The following MACROD2 variants were observed in gnomAD, a reference collection of about 807,000 sequenced individuals.
MACROD2 encodes ADP-ribose glycohydrolase MACROD2.
MACROD2 carries 36 observed loss-of-function variants against 70.4 expected under a neutral mutation model. The observed-to-expected ratio is 0.51, with a 90% CI of 0.39 to 0.68. MACROD2 has a LOEUF of 0.68. MACROD2 is among the 30% of genes least tolerant of loss of function. MACROD2 has a pLI of 0.00. For missense variants in MACROD2, 496 were observed against 538.4 expected, an observed-to-expected ratio of 0.92 and a Z score of 0.78; for synonymous variants, 172 against 178.8, an observed-to-expected ratio of 0.96 and a Z score of 0.30.
At chr20:15,321,176 G>T (rs1338437246) in intron 6 of MACROD2, among the ~76,000 whole-genome samples, 1 of 145,560 alleles carries the variant, frequency 6.9e-6, no homozygotes, top group African/African-American at 2.5e-5. Flanking sequence ...ACAGTGAGCA[G>T]AATTCTTTCT....
intron 5 of MACROD2, among the ~76,000 whole-genome samples, chr20:15,117,196 T>G (rs540802798): frequency 6.6e-6 from 1 of 152,266 alleles, no homozygotes; most frequent in Admixed American, 6.5e-5. Flanking sequence ...AAGAAAATAA[T>G]GTGGAGAAAA....
chr20:15,799,479 T>C (rs749959351), intron 8 of MACROD2, among the ~76,000 whole-genome samples: 2 of 152,180 alleles, frequency 1.3e-5, no homozygotes, highest in Non-Finnish European at 2.9e-5. Flanking sequence ...CTGGGAACCA[T>C]CATTCTATCC....
chr20:14,815,501 G>C (rs1389083515), intron 5 of MACROD2, among the ~76,000 whole-genome samples: 1 of 152,004 alleles, frequency 6.6e-6, no homozygotes, highest in African/African-American at 2.4e-5. Context: ...GGGTGTGTGT[G>C]TGTGTGCACG....
At chr20:16,049,749 C>A in intron 17 of MACROD2, 81 bp from the exon 18 acceptor site, 2 of 1,409,310 alleles carry the variant, frequency 1.4e-6, no homozygotes, top group African/African-American at 1.4e-5. Flanking sequence ...ATTTAAATGG[C>A]TGTATTAAAA....
At chr20:15,549,078 ATC>A (rs2048062128) in intron 8 of MACROD2, among the ~76,000 whole-genome samples, 1 of 152,184 alleles carries the variant, frequency 6.6e-6, no homozygotes, top group African/African-American at 2.4e-5. Context: ...TGAATCCATC[ATC>A]CTCAAAATTG....
chr20:15,056,711 T>C (rs2075488656), intron 5 of MACROD2, among the ~76,000 whole-genome samples: 1 of 152,156 alleles, frequency 6.6e-6, no homozygotes, highest in Admixed American at 6.5e-5. Flanking sequence ...AATTTAAATA[T>C]TTTAAATGAA....
chr20:14,408,932 C>A (rs982527711), intron 3 of MACROD2, among the ~76,000 whole-genome samples: 3 of 152,022 alleles, frequency 2.0e-5, no homozygotes, highest in African/African-American at 7.2e-5. Context: ...GTCAAAGTAA[C>A]CCTGTCTATC....
chr20:15,568,898 TG>T (rs2048342873), intron 8 of MACROD2, among the ~76,000 whole-genome samples: 1 of 152,166 alleles, frequency 6.6e-6, no homozygotes, highest in South Asian at 2.1e-4. Context: ...GGTTGGAGCT[TG>T]GGAACACCAG....
intron 15 of MACROD2, among the ~76,000 whole-genome samples, chr20:16,020,769 G>A (rs190924282): frequency 7.0e-4 from 107 of 151,974 alleles, no homozygotes; most frequent in African/African-American, 2.5e-3. Flanking sequence ...AAGTGGGATG[G>A]GGGGAAGGAA....
chr20:15,116,744 A>C (rs549354656), intron 5 of MACROD2, among the ~76,000 whole-genome samples: 179 of 152,364 alleles, frequency 1.2e-3, no homozygotes, highest in Non-Finnish European at 1.1e-3. Context: ...TATATAATAC[A>C]TAACTGTATA....
intron 8 of MACROD2, among the ~76,000 whole-genome samples, chr20:15,761,124 C>T (rs1379633916): frequency 6.6e-6 from 1 of 152,236 alleles, no homozygotes; most frequent in East Asian, 1.9e-4. Context: ...TGGCTCACTG[C>T]AACCTCTGCC....
intron 5 of MACROD2, among the ~76,000 whole-genome samples, chr20:15,082,603 A>G (rs1357917038): frequency 6.7e-6 from 1 of 149,580 alleles, no homozygotes; most frequent in African/African-American, 2.5e-5. Flanking sequence ...GCAACATGCA[A>G]GATGTTATTT....
At chr20:14,300,410 A>G (rs920356273) in intron 3 of MACROD2, among the ~76,000 whole-genome samples, 1 of 152,206 alleles carries the variant, frequency 6.6e-6, no homozygotes, top group African/African-American at 2.4e-5. Context: ...GGGATACTTT[A>G]TAATGCTTTC....
At chr20:14,610,529 A>T (rs1334596303) in intron 4 of MACROD2, among the ~76,000 whole-genome samples, 1 of 152,130 alleles carries the variant, frequency 6.6e-6, no homozygotes, top group African/African-American at 2.4e-5. Flanking sequence ...GGATAAATTC[A>T]TAAATAGTTA....
At chr20:14,065,476 A>G (rs8116831) in intron 2 of MACROD2, among the ~76,000 whole-genome samples, 233 of 152,276 alleles carry the variant, frequency 1.5e-3, no homozygotes, top group Middle Eastern at 6.8e-3. Flanking sequence ...GTGTTTTTAC[A>G]AAGTATGTAT....
chr20:15,991,560 T>G (rs1191327321), intron 15 of MACROD2, among the ~76,000 whole-genome samples: 5 of 152,234 alleles, frequency 3.3e-5, no homozygotes, highest in African/African-American at 1.2e-4. Context: ...ACTGTGTTCT[T>G]GGCTATAAAG....
At chr20:14,216,936 C>G (rs976446332) in intron 3 of MACROD2, among the ~76,000 whole-genome samples, 9 of 152,032 alleles carry the variant, frequency 5.9e-5, no homozygotes, top group Admixed American at 2.6e-4. Context: ...TCAAGGTAAA[C>G]AATCATATTG....
In MACROD2 at chr20:15,713,049, C is replaced by T. The variant is rs146033588; in HGVS notation, c.646-149696C>T. On this transcript the variant is annotated intron_variant, in intron 8 of 17. Coordinates refer to ENST00000684519, the MANE Select transcript of MACROD2 (RefSeq NM_001351661.2). Reference sequence around the variant, plus strand: ...TCTGGCTTCAGGCACTCCTCTGTCACATTTTTTCTTGGATAGATTATTAAT... The same window carrying T: ...TCTGGCTTCAGGCACTCCTCTGTCATATTTTTTCTTGGATAGATTATTAAT... Among the ~76,000 whole-genome samples the T allele has an allele frequency of 4.8e-3, 728 of 152,254 alleles. 6 individuals are homozygous for T. The highest frequency in any genetic ancestry group is 0.017 in the African/African-American group (698 of 41,548).
chr20:14,901,713 G>T (rs1713440336), intron 5 of MACROD2, among the ~76,000 whole-genome samples: 1 of 152,096 alleles, frequency 6.6e-6, no homozygotes, highest in Admixed American at 6.5e-5. Flanking sequence ...TATTTTGGAA[G>T]ACTTAAAATA....
Sources: allele counts gnomAD v4.1 joint callset (sites outside exome capture counted in the v4.1 genomes callset), GRCh38; gene constraint gnomAD v4.1.1; transcripts MANE v1.5; gene names NCBI Gene and HGNC (gene_info 2026-07-23, HGNC 2026-07-21).